Variants in RAP1B observed in about 807,000 individuals in gnomAD.
RAP1B encodes the protein ras-related protein Rap-1b.
RAP1B carries 1 observed loss-of-function variant against 27.5 expected under a neutral mutation model. The ratio of observed to expected loss-of-function variants is 0.04; its 90% CI spans 0.01 to 0.17. The LOEUF (loss-of-function observed/expected upper bound fraction) is 0.17, where lower values mean the gene tolerates loss of function less well. Ranked by LOEUF, RAP1B falls within the 10% of genes least tolerant of loss-of-function variation. The pLI is 1.00. For missense variants in RAP1B, 84 were observed against 214.8 expected, an observed-to-expected ratio of 0.39 and a Z score of 3.81; for synonymous variants, 75 against 73.1, an observed-to-expected ratio of 1.03 and a Z score of -0.13.
intron 1 of RAP1B, among the ~76,000 whole-genome samples, chr12:68,639,367 T>C (rs1395804795): frequency 6.6e-6 from 1 of 152,082 alleles, no homozygotes; most frequent in African/African-American, 2.4e-5. Context: ...TCTCAAAATA[T>C]ACGACTTTTT....
chr12:68,632,125 A>ATTTTTTTTTTTTTTTTTT (rs1211565843), intron 1 of RAP1B, among the ~76,000 whole-genome samples: 1 of 107,142 alleles, frequency 9.3e-6, no homozygotes, highest in African/African-American at 4.6e-5. Context: ...TGGGTTTTGG[A>ATTTTTTTTTTTTTTTTTT]TTTGTTTTTT....
intron 1 of RAP1B, among the ~76,000 whole-genome samples, chr12:68,645,635 C>T (rs1664539199): frequency 6.6e-6 from 1 of 152,220 alleles, no homozygotes; most frequent in African/African-American, 2.4e-5. Context: ...AATTATGTTG[C>T]TTATTGAACA....
intron 1 of RAP1B, among the ~76,000 whole-genome samples, chr12:68,631,872 TAAG>T (rs1872260623): frequency 6.6e-6 from 1 of 152,142 alleles, no homozygotes; most frequent in Non-Finnish European, 1.5e-5. Flanking sequence ...GAATATGAAA[TAAG>T]AAGCAAATTC....
At chr12:68,652,601 G>C (rs1184920762) in intron 4 of RAP1B, among the ~76,000 whole-genome samples, 3 of 152,016 alleles carry the variant, frequency 2.0e-5, no homozygotes, top group Non-Finnish European at 4.4e-5. Context: ...GATCACTTAA[G>C]GTGAGGAGTT....
chr12:68,643,540 G>C (rs1188305679), intron 1 of RAP1B, among the ~76,000 whole-genome samples: 2 of 152,094 alleles, frequency 1.3e-5, no homozygotes, highest in Non-Finnish European at 2.9e-5. Context: ...TGTTTTCTGA[G>C]AAGTAATTAA....
chr12:68,615,967 ATT>A (rs11361027), intron 1 of RAP1B, among the ~76,000 whole-genome samples: 98 of 146,016 alleles, frequency 6.7e-4, no homozygotes, highest in Middle Eastern at 3.6e-3. Flanking sequence ...AATAATTTGG[ATT>A]TTTTTTTTTT....
rs897811040 is a variant in RAP1B at position 68,661,526 on chromosome 12, TGAA to T, written c.*2280_*2282del. On this transcript the variant is annotated 3_prime_UTR_variant, in exon 8 of 8. Transcript: ENST00000250559. ...TGCCCTCCTAGAATTTATATTCTAT[TGAA>T]GAGTTTCTCAGCCTCAGCACTATTG... is the stretch of plus-strand genomic sequence containing the variant. The T allele has an allele frequency of 7.9e-5, 12 of 152,064 alleles. No homozygotes were observed. The highest frequency in any genetic ancestry group is 4.1e-4 in the South Asian group (2 of 4,826). The allele number at this position is 152,064 out of a possible 1,614,324, so 9.4% of individuals were successfully genotyped here. A position where few individuals can be genotyped will look rare whatever the true frequency, so the allele number is the denominator to read the frequency against.
chr12:68,636,735 G>T (rs1482531467), intron 1 of RAP1B, among the ~76,000 whole-genome samples: 2 of 142,806 alleles, frequency 1.4e-5, no homozygotes, highest in African/African-American at 2.7e-5. Flanking sequence ...GTTTTTTTTT[G>T]AGACGGAGTC....
Position 68,670,579 on chromosome 12 carries a change from T to C in RAP1B, c.*11330T>C, listed in dbSNP as rs1220570597. On this transcript the variant is annotated 3_prime_UTR_variant, in exon 8 of 8. Transcript: ENST00000250559. ...CAATAAGCCCATCAGAAGTCAAAAATGTAAGTCGAAAATGCATTTAATACC... is the reference window on the plus strand; with the variant it reads ...CAATAAGCCCATCAGAAGTCAAAAACGTAAGTCGAAAATGCATTTAATACC... 3 of 152,066 alleles carry C rather than the reference T, an allele frequency of 2.0e-5. 1 individual carries two copies. The highest frequency in any genetic ancestry group is 4.1e-4 in the South Asian group (2 of 4,836). The allele number at this position is 152,066 out of a possible 1,614,324, so 9.4% of individuals were successfully genotyped here.
chr12:68,657,918 T>C (rs1206790214), intron 7 of RAP1B, among the ~76,000 whole-genome samples: 1 of 152,068 alleles, frequency 6.6e-6, no homozygotes, highest in African/African-American at 2.4e-5. Flanking sequence ...TGCCACTTTT[T>C]TTTTTTTCCT....
At chr12:68,619,208 A>G (rs1871229667) in intron 1 of RAP1B, among the ~76,000 whole-genome samples, 1 of 152,204 alleles carries the variant, frequency 6.6e-6, no homozygotes, top group Non-Finnish European at 1.5e-5. Context: ...ATATAATGCC[A>G]TTTTTGCTTA....
Position 68,629,273 on chromosome 12 carries a change from C to G in RAP1B, c.-27+18230C>G, listed in dbSNP as rs755330802. Among the ~76,000 whole-genome samples, 119 of 152,168 alleles carry G rather than the reference C, an allele frequency of 7.8e-4. 2 individuals are homozygous for G. Among genetic ancestry groups the G allele is most frequent in the Admixed American group, 3.3e-3 (51 of 15,272 alleles). ...GGATTACAGGCGTGAGCCCTTGTGCCCAGCCAAATCCTTTATCTAAAGACA... is the reference window on the plus strand; with the variant it reads ...GGATTACAGGCGTGAGCCCTTGTGCGCAGCCAAATCCTTTATCTAAAGACA... On this transcript the variant is annotated intron_variant, in intron 1 of 7. Coordinates refer to ENST00000250559, the MANE Select transcript of RAP1B (RefSeq NM_001010942.3).
chr12:68,645,989 A>G (rs1873376428), intron 1 of RAP1B, among the ~76,000 whole-genome samples: 1 of 152,214 alleles, frequency 6.6e-6, no homozygotes, highest in Non-Finnish European at 1.5e-5. Context: ...TTACTGATAG[A>G]TACAATAATA....
At chr12:68,655,926 T>C (rs953083056) in intron 5 of RAP1B, among the ~76,000 whole-genome samples, 9 of 152,282 alleles carry the variant, frequency 5.9e-5, no homozygotes, top group African/African-American at 1.4e-4. Flanking sequence ...TAAGGTTTTT[T>C]CCCCCCATCT....
chr12:68,656,637 A>G, intron 6 of RAP1B, 188 bp downstream of exon 6: 1 of 607,750 alleles, frequency 1.6e-6, no homozygotes, highest in Non-Finnish European at 2.9e-6. Flanking sequence ...TCTCTATTAA[A>G]TACTTGTACA....
chr12:68,647,826 A>G (rs1873536967), intron 1 of RAP1B, among the ~76,000 whole-genome samples: 1 of 152,174 alleles, frequency 6.6e-6, no homozygotes, highest in South Asian at 2.1e-4. Flanking sequence ...TTGTAGAAGC[A>G]TATCCTCTGA....
rs1257575864 is a variant in RAP1B at position 68,662,781 on chromosome 12, CAAACA to C, written c.*3540_*3544del. On this transcript the variant is annotated 3_prime_UTR_variant, in exon 8 of 8. Coordinates refer to ENST00000250559, the MANE Select transcript of RAP1B (RefSeq NM_001010942.3). ...ATTTGTAAGACTAAAATTTTTTTTTCAAACAAAACAAATCTGACAGCCTGGGCAAC... is the reference window on the plus strand; with the variant it reads ...ATTTGTAAGACTAAAATTTTTTTTTCAAACAAATCTGACAGCCTGGGCAAC... 2.0e-5 allele frequency: 3 copies of C among 151,044 alleles called. No homozygotes were observed. Among genetic ancestry groups the C allele is most frequent in the African/African-American group, 7.3e-5 (3 of 41,272 alleles). 9.4% of individuals were successfully genotyped at this position (151,044 alleles called of 1,614,324 possible).
At chr12:68,629,422 A>G (rs181661720) in intron 1 of RAP1B, among the ~76,000 whole-genome samples, 2 of 152,350 alleles carry the variant, frequency 1.3e-5, no homozygotes, top group African/African-American at 4.8e-5. Context: ...ATTGGTTAAC[A>G]AAGGATTTTT....
chr12:68,613,561 A>G (rs566811093), intron 1 of RAP1B, among the ~76,000 whole-genome samples: 51 of 152,144 alleles, frequency 3.4e-4, no homozygotes, highest in Non-Finnish European at 6.5e-4. Flanking sequence ...GTGAACTCCA[A>G]CCACAAGATA....
Sources: gnomAD v4.1 joint callset for allele counts (sites outside exome capture counted in the v4.1 genomes callset) on GRCh38, gnomAD v4.1.1 for gene constraint, MANE v1.5 for transcripts, NCBI Gene and HGNC (gene_info 2026-07-23, HGNC 2026-07-21) for gene names.